Variants in GPHN observed in about 807,000 individuals in gnomAD.
GPHN encodes the protein gephyrin.
In GPHN, 17 loss-of-function variants were observed where a neutral mutation model predicts 95.5. The ratio of observed to expected loss-of-function variants is 0.18; its 90% CI spans 0.12 to 0.27. The LOEUF (loss-of-function observed/expected upper bound fraction) is 0.27. Among genes scored for constraint, GPHN ranks in the 10% least tolerant of loss-of-function variants. The pLI is 1.00. For synonymous variants in GPHN, 320 were observed against 322.5 expected, an observed-to-expected ratio of 0.99 and a Z score of 0.08; for missense variants, 660 against 978.1, an observed-to-expected ratio of 0.67 and a Z score of 4.34.
chr14:67,476,068 C>T, the GPHN span, among the ~76,000 whole-genome samples: 1 of 152,230 alleles, frequency 6.6e-6, no homozygotes, highest in Non-Finnish European at 1.5e-5. Flanking sequence ...TAAATCCCAG[C>T]TCTGCCAGCT....
the GPHN span, among the ~76,000 whole-genome samples, chr14:67,612,940 CA>C: frequency 0.45 from 63,726 of 142,964 alleles, 17,427 homozygotes; most frequent in African/African-American, 0.8. Context: ...GACTCTGTCT[CA>C]AAAAAAAAAA....
the GPHN span, among the ~76,000 whole-genome samples, chr14:67,317,107 T>C: frequency 6.6e-6 from 1 of 152,202 alleles, no homozygotes; most frequent in Non-Finnish European, 1.5e-5. Context: ...TAATTGAAAA[T>C]TGTAAATGCT....
At chr14:66,533,252 T>A (rs1420159171) in intron 1 of GPHN, among the ~76,000 whole-genome samples, 2 of 152,238 alleles carry the variant, frequency 1.3e-5, no homozygotes, top group Non-Finnish European at 2.9e-5. Context: ...TATTGTAATC[T>A]CTTCCTGCTT....
intron 3 of GPHN, among the ~76,000 whole-genome samples, chr14:66,778,381 A>G (rs866761259): frequency 6.6e-6 from 1 of 152,176 alleles, no homozygotes; most frequent in African/African-American, 2.4e-5. Context: ...GCCAATTGCA[A>G]TTAAAAATTT....
the GPHN span, chr14:67,382,830 CAGAATT>C: frequency 1.9e-6 from 1 of 528,704 alleles, no homozygotes; most frequent in Non-Finnish European, 3.3e-6. Flanking sequence ...AATTTGATCT[CAGAATT>C]GGAGAAAAAA....
At chr14:67,635,857 A>T in the GPHN span, among the ~76,000 whole-genome samples, 1 of 152,154 alleles carries the variant, frequency 6.6e-6, no homozygotes, top group Admixed American at 6.5e-5. Context: ...ATCTAAAAAA[A>T]ATTTTTTTTA....
chr14:67,360,548 T>C, the GPHN span: 5 of 224,644 alleles, frequency 2.2e-5, no homozygotes, highest in African/African-American at 6.8e-5. Flanking sequence ...CCCGGGCTAA[T>C]ACCTCCCTTT....
the GPHN span, among the ~76,000 whole-genome samples, chr14:67,603,011 A>G: frequency 6.6e-6 from 1 of 152,168 alleles, no homozygotes; most frequent in Non-Finnish European, 1.5e-5. Context: ...GAGGGTCTAC[A>G]ATACAAAAGG....
chr14:66,629,239 A>G (rs1040410971), intron 1 of GPHN, among the ~76,000 whole-genome samples: 1 of 146,872 alleles, frequency 6.8e-6, no homozygotes, highest in Non-Finnish European at 1.5e-5. Flanking sequence ...GTATATAAAT[A>G]TAAAACACAC....
At chr14:67,199,324 G>C in the GPHN span, 2,880 of 1,612,450 alleles carry the variant, frequency 1.8e-3, 46 homozygotes, top group African/African-American at 0.033. Context: ...GGGTGAACAA[G>C]GCATCAGCTC....
At chr14:66,686,927 C>G (rs774020634) in intron 2 of GPHN, among the ~76,000 whole-genome samples, 2 of 152,090 alleles carry the variant, frequency 1.3e-5, no homozygotes, top group Non-Finnish European at 2.9e-5. Flanking sequence ...TACGTCCCAT[C>G]AATACCTAAT....
At chr14:66,995,962 C>A (rs1305480510) in intron 9 of GPHN, among the ~76,000 whole-genome samples, 1 of 126,060 alleles carries the variant, frequency 7.9e-6, no homozygotes, top group Non-Finnish European at 1.5e-5. Context: ...TCATCTCCAT[C>A]ATGGATTTTT....
chr14:66,697,320 G>A (rs1407017234), intron 2 of GPHN, among the ~76,000 whole-genome samples: 2 of 152,140 alleles, frequency 1.3e-5, no homozygotes, highest in African/African-American at 4.8e-5. Flanking sequence ...TAGTTATGTA[G>A]TACGTTGTGT....
At chr14:66,540,616 T>C (rs74809524) in intron 1 of GPHN, among the ~76,000 whole-genome samples, 10,519 of 152,284 alleles carry the variant, frequency 0.069, 412 homozygotes, top group South Asian at 0.099. Flanking sequence ...TTAAAAATAA[T>C]AGTCTTGACA....
intron 2 of GPHN, chr14:66,760,681 G>A (rs2058724240): frequency 1.6e-5 from 7 of 433,628 alleles, no homozygotes; most frequent in South Asian, 1.1e-4. Context: ...GCAAAGTTAG[G>A]TGAACCAAAG....
intron 18 of GPHN, among the ~76,000 whole-genome samples, chr14:67,146,019 T>C (rs1474812753): frequency 6.6e-6 from 1 of 152,226 alleles, no homozygotes; most frequent in Non-Finnish European, 1.5e-5. Context: ...TGGTCTGCAC[T>C]GGATACATCT....
At chr14:67,277,718 A>G in the GPHN span, among the ~76,000 whole-genome samples, 1 of 152,158 alleles carries the variant, frequency 6.6e-6, no homozygotes, top group African/African-American at 2.4e-5. Context: ...AAATATTTTT[A>G]TTTTCTAAAA....
At chr14:66,861,220 A>G (rs1476948738) in intron 4 of GPHN, among the ~76,000 whole-genome samples, 1 of 152,126 alleles carries the variant, frequency 6.6e-6, no homozygotes, top group Non-Finnish European at 1.5e-5. Context: ...AAACCAAAAA[A>G]GAGCAGGAGT....
chr14:67,416,011 T>C, the GPHN span, among the ~76,000 whole-genome samples: 1 of 151,834 alleles, frequency 6.6e-6, no homozygotes, highest in Non-Finnish European at 1.5e-5. Flanking sequence ...TCAGGAAAAA[T>C]AGCTAGTGCA....
Sources: gnomAD v4.1 joint callset for allele counts (sites outside exome capture counted in the v4.1 genomes callset) on GRCh38, gnomAD v4.1.1 for gene constraint, MANE v1.5 for transcripts, NCBI Gene and HGNC (gene_info 2026-07-23, HGNC 2026-07-21) for gene names.